TRPM3: variants seen among roughly 807,000 people sequenced by gnomAD.
TRPM3 encodes transient receptor potential cation channel subfamily M member 3.
TRPM3 carries 77 observed loss-of-function variants against 181.2 expected under a neutral mutation model. The observed-to-expected ratio is 0.42, with a 90% confidence interval of 0.35 to 0.51. The LOEUF (loss-of-function observed/expected upper bound fraction) is 0.51. Ranked by LOEUF, TRPM3 falls within the 20% of genes least tolerant of loss-of-function variation. TRPM3 has a pLI of 0.01. For synonymous variants in TRPM3, 745 were observed against 796.4 expected (o/e 0.94, Z 1.09); for missense variants, 1,759 against 2,196.7 (o/e 0.80, Z 3.98).
rs1027140621 is a variant in TRPM3, at chr9:70,673,501, C to T, written c.1345+8005G>A. Among the ~76,000 whole-genome samples the T allele has an allele frequency of 2.6e-5, 4 of 152,176 alleles. No homozygotes were observed. The South Asian group carries it at 8.3e-4, about 32-fold the overall frequency. Reference sequence around the variant, plus strand: ...GTCCCTAACTAAAACACTTTGCTATCCACCTACAGTTTACCAACCCACACA... The same window carrying T: ...GTCCCTAACTAAAACACTTTGCTATTCACCTACAGTTTACCAACCCACACA... On this transcript the variant is annotated intron_variant, in intron 9 of 25. Transcript: ENST00000677713.
chr9:70,652,629 A>G (rs2059734274), intron 9 of TRPM3, among the ~76,000 whole-genome samples: 1 of 152,218 alleles, frequency 6.6e-6, no homozygotes. Context: ...CTGTACAGTG[A>G]GTATCTTTAT....
intron 1 of TRPM3, among the ~76,000 whole-genome samples, chr9:71,371,618 T>A (rs1405409030): frequency 2.0e-5 from 3 of 152,184 alleles, no homozygotes; most frequent in Non-Finnish European, 2.9e-5. Context: ...TGAGATGGAA[T>A]CTACTCCTGG....
intron 8 of TRPM3, among the ~76,000 whole-genome samples, chr9:70,696,825 C>T (rs1182923077): frequency 6.6e-6 from 1 of 151,940 alleles, no homozygotes; most frequent in Non-Finnish European, 1.5e-5. Flanking sequence ...GAAATCTAAT[C>T]CCCCCAGACC....
chr9:70,546,911 T>A (rs1055839033), intron 25 of TRPM3, among the ~76,000 whole-genome samples: 3 of 152,170 alleles, frequency 2.0e-5, no homozygotes, highest in Non-Finnish European at 2.9e-5. Flanking sequence ...GTGTTAATGA[T>A]CTCCTGAATA....
intron 1 of TRPM3, among the ~76,000 whole-genome samples, chr9:70,918,987 A>G (rs2096628888): frequency 1.3e-5 from 2 of 152,154 alleles, no homozygotes; most frequent in Admixed American, 1.3e-4. Flanking sequence ...TAAGTTTTGC[A>G]GAACATGTTT....
At chr9:70,883,325 T>G (rs573625057) in intron 1 of TRPM3, among the ~76,000 whole-genome samples, 1 of 152,316 alleles carries the variant, frequency 6.6e-6, no homozygotes, top group East Asian at 1.9e-4. Context: ...TTTCTGAAAT[T>G]TGAACTTAGA....
chr9:70,832,356 C>G (rs2093993955), intron 5 of TRPM3, among the ~76,000 whole-genome samples: 1 of 152,060 alleles, frequency 6.6e-6, no homozygotes, highest in Admixed American at 6.6e-5. Flanking sequence ...ATTTTAGACA[C>G]TTAGTACTCT....
chr9:70,952,344 G>T (rs990279789), intron 1 of TRPM3, among the ~76,000 whole-genome samples: 3 of 152,056 alleles, frequency 2.0e-5, no homozygotes, highest in African/African-American at 7.2e-5. Context: ...TAGGGACTTT[G>T]GTAATGACCA....
intron 1 of TRPM3, among the ~76,000 whole-genome samples, chr9:70,915,558 G>T (rs1031223034): frequency 1.3e-5 from 2 of 151,630 alleles, no homozygotes; most frequent in African/African-American, 2.4e-5. Context: ...GCCCGCCTTG[G>T]CCTCCCACAG....
Position 70,674,650 on chromosome 9 carries a change from C to T in TRPM3, c.1345+6856G>A, listed in dbSNP as rs1174448151. On this transcript the variant is annotated intron_variant, in intron 9 of 25. Coordinates refer to ENST00000677713, the MANE Select transcript of TRPM3 (RefSeq NM_001366145.2). Reference sequence around the variant, plus strand: ...TCATGGCTTACTGCAGCCTTGACCTCCTGGGCTCAAGCAATCCTCTCACCT... The same window carrying T: ...TCATGGCTTACTGCAGCCTTGACCTTCTGGGCTCAAGCAATCCTCTCACCT... 2.6e-5 allele frequency among the ~76,000 whole-genome samples: 4 copies of T among 151,688 alleles called. No individual in the cohort carries two copies. In the East Asian group the frequency reaches 7.7e-4, roughly 29 times the overall value.
chr9:70,574,090 GCGCA>G lies in TRPM3; in HGVS notation c.3223+16937_3223+16940del, dbSNP rs777702060. 1.1e-3 allele frequency among the ~76,000 whole-genome samples: 160 copies of G among 143,296 alleles called. 1 individual carries two copies. In the South Asian group the frequency reaches 0.018, roughly 17 times the overall value. The allele number at this position is 143,296 out of a possible 152,430, so 94.0% of individuals were successfully genotyped here. On this transcript the variant is annotated intron_variant, in intron 22 of 25. Coordinates refer to ENST00000677713, the MANE Select transcript of TRPM3 (RefSeq NM_001366145.2). ...ATTCATGTCAGACACACACACGCGCGCGCACACACACACACACACACTACTAACA... is the reference window on the plus strand; with the variant it reads ...ATTCATGTCAGACACACACACGCGCGCACACACACACACACACTACTAACA...
chr9:71,152,044 G>T (rs1328739975), intron 1 of TRPM3, among the ~76,000 whole-genome samples: 1 of 151,980 alleles, frequency 6.6e-6, no homozygotes, highest in Non-Finnish European at 1.5e-5. Context: ...TATATGTCAT[G>T]GCCGATTTTA....
intron 1 of TRPM3, among the ~76,000 whole-genome samples, chr9:70,957,293 T>C (rs2097087880): frequency 6.6e-6 from 1 of 152,158 alleles, no homozygotes; most frequent in Admixed American, 6.5e-5. Flanking sequence ...AAATACTTTT[T>C]CACTAGACTT....
chr9:70,681,291 A>G (rs1434806945), intron 9 of TRPM3, among the ~76,000 whole-genome samples: 1 of 152,184 alleles, frequency 6.6e-6, no homozygotes, highest in Non-Finnish European at 1.5e-5. Context: ...ACTAAACTGT[A>G]GTATATTTAA....
In TRPM3 at chr9:70,864,374, G is replaced by GTAA. The variant is rs1281359925; in HGVS notation, c.257+57_257+58insTTA. The GTAA allele has an allele frequency of 6.7e-6, 8 of 1,198,220 alleles. No individual in the cohort carries two copies. The African/African-American group carries it at 1.1e-4, about 17-fold the overall frequency. 74.2% of individuals were successfully genotyped at this position (1,198,220 alleles called of 1,614,324 possible). A position where few individuals can be genotyped will look rare whatever the true frequency, so the allele number is the denominator to read the frequency against. On this transcript the variant is annotated intron_variant, in intron 2 of 25. Coordinates refer to ENST00000677713, the MANE Select transcript of TRPM3 (RefSeq NM_001366145.2). ...CTTGTAACAGGTCATGATTACTCTTGCAGGTTTTTTGTATAATTACTACTT... is the reference window on the plus strand; with the variant it reads ...CTTGTAACAGGTCATGATTACTCTTGTAACAGGTTTTTTGTATAATTACTACTT...
At chr9:70,832,012 A>C (rs2093966764) in intron 5 of TRPM3, among the ~76,000 whole-genome samples, 1 of 99,722 alleles carries the variant, frequency 1.0e-5, no homozygotes. Flanking sequence ...CTATGTACCC[A>C]CACACATTTT....
intron 1 of TRPM3, among the ~76,000 whole-genome samples, chr9:70,910,119 A>AT (rs1382145285): frequency 1.3e-5 from 2 of 152,212 alleles, no homozygotes; most frequent in Non-Finnish European, 2.9e-5. Flanking sequence ...TTACAGTACC[A>AT]TTATTCATAA....
chr9:70,800,288 G>C (rs2088560835), intron 6 of TRPM3, among the ~76,000 whole-genome samples: 1 of 152,220 alleles, frequency 6.6e-6, no homozygotes, highest in Non-Finnish European at 1.5e-5. Flanking sequence ...CACTGGGCCA[G>C]TTGAATGTAG....
At chr9:70,651,624 T>A (rs1217262325) in intron 9 of TRPM3, among the ~76,000 whole-genome samples, 25 of 152,180 alleles carry the variant, frequency 1.6e-4, no homozygotes, top group Non-Finnish European at 7.4e-5. Context: ...CTGTTGGCGC[T>A]TTGTGAGGAC....
Sources: allele counts gnomAD v4.1 joint callset (sites outside exome capture counted in the v4.1 genomes callset), GRCh38; gene constraint gnomAD v4.1.1; transcripts MANE v1.5; gene names NCBI Gene and HGNC (gene_info 2026-07-23, HGNC 2026-07-21).